Variants in COL4A4 observed in about 807,000 individuals in gnomAD.
The protein encoded by COL4A4 is collagen alpha-4(IV) chain.
A neutral mutation model predicts 192.9 loss-of-function variants in COL4A4; 105 were observed. The ratio of observed to expected loss-of-function variants is 0.54; its 90% CI spans 0.46 to 0.64. COL4A4 has a LOEUF of 0.64. COL4A4 is among the 30% of genes least tolerant of loss of function. The pLI, the probability that COL4A4 is intolerant of heterozygous loss-of-function variation, is 0.00. For missense variants in COL4A4, 1,967 were observed against 2,169.3 expected (o/e 0.91, Z 1.85); for synonymous variants, 762 against 769.9 (o/e 0.99, Z 0.17).
the COL4A4 span, among the ~76,000 whole-genome samples, chr2:226,973,421 GT>G: frequency 6.6e-6 from 1 of 152,208 alleles, no homozygotes; most frequent in Non-Finnish European, 1.5e-5. Flanking sequence ...GGAAGTGAGT[GT>G]TTGCCTGTTC....
the COL4A4 span, chr2:226,995,642 C>A: frequency 1.4e-6 from 1 of 723,336 alleles, no homozygotes; most frequent in East Asian, 2.7e-5. Flanking sequence ...GGTATTGCTC[C>A]AGATCGCTCA....
intron 20 of COL4A4, among the ~76,000 whole-genome samples, chr2:227,093,167 C>A (rs1022984886): frequency 6.6e-6 from 1 of 152,286 alleles, no homozygotes; most frequent in Middle Eastern, 3.4e-3. Context: ...AGCCTCTAAA[C>A]TGCCCTTGGC....
At chr2:227,065,773 G>A (rs1441957123) in intron 25 of COL4A4, among the ~76,000 whole-genome samples, 1 of 152,154 alleles carries the variant, frequency 6.6e-6, no homozygotes, top group Non-Finnish European at 1.5e-5. Flanking sequence ...CAAAGATGGG[G>A]AAAAAACAGA....
chr2:227,014,805 G>A (rs1964525348), intron 44 of COL4A4, among the ~76,000 whole-genome samples: 1 of 151,054 alleles, frequency 6.6e-6, no homozygotes, highest in Non-Finnish European at 1.5e-5. Context: ...CCACCTCCCA[G>A]TTCAAGAGAT....
In COL4A4 at chr2:227,026,154, C is replaced by A. The variant is rs982083281; in HGVS notation, c.4082-344G>T. Among the ~76,000 whole-genome samples, 3 of 152,060 alleles carry A rather than the reference C, an allele frequency of 2.0e-5. No homozygotes were observed. In the South Asian group the frequency reaches 6.2e-4, roughly 32 times the overall value. On this transcript the variant is annotated intron_variant, in intron 42 of 47. Coordinates refer to ENST00000396625, the MANE Select transcript of COL4A4 (RefSeq NM_000092.5). ...TCCATTTAAAAGCTTCTGAAAATTT[C>A]ATATTAATTTGCCAAGTATAGGGTA...
In COL4A4 at chr2:227,043,102, G is replaced by A; in HGVS notation, c.3372C>T (p.Gly1124=). Residue 1124 remains glycine (G), a synonymous_variant, in exon 36 of 48, where the codon GGC becomes GGT. Coordinates refer to ENST00000396625, the MANE Select transcript of COL4A4 (RefSeq NM_000092.5). ...RGSPGRPGPP[G]SSGPPGCPGD... is the part of the protein sequence containing the mutation. Reference sequence around the variant, plus strand: ...CTGGGCACCCTGGTGGTCCAGAGGAGCCAGGTGGCCCTGGCCTTCCAGGTG... The same window carrying A: ...CTGGGCACCCTGGTGGTCCAGAGGAACCAGGTGGCCCTGGCCTTCCAGGTG... The A allele has an allele frequency of 1.2e-6, 2 of 1,613,636 alleles. No homozygotes were observed. The highest frequency in any genetic ancestry group is 1.7e-6 in the Non-Finnish European group (2 of 1,179,906).
At chr2:227,052,021 T>C (rs1045659159) in intron 32 of COL4A4, among the ~76,000 whole-genome samples, 1 of 152,018 alleles carries the variant, frequency 6.6e-6, no homozygotes, top group African/African-American at 2.4e-5. Context: ...GAAACCCCCA[T>C]CTTTACTAAA....
At chr2:226,987,428 C>G in the COL4A4 span, among the ~76,000 whole-genome samples, 3 of 152,326 alleles carry the variant, frequency 2.0e-5, no homozygotes, top group Admixed American at 6.5e-5. Flanking sequence ...ATGGCTGCTT[C>G]TGTGCCCAGC....
chr2:227,041,846 A>AAGAAAGAAAGAGAGAGAGAGAGAGAGAG (rs1559478097), intron 37 of COL4A4, among the ~76,000 whole-genome samples: 1 of 39,316 alleles, frequency 2.5e-5, no homozygotes, highest in Non-Finnish European at 4.4e-5. Context: ...GAAAGAAAGA[A>AAGAAAGAAAGAGAGAGAGAGAGAGAGAG]AGAGAAAGAA....
chr2:226,985,748 C>A, the COL4A4 span, among the ~76,000 whole-genome samples: 1 of 152,200 alleles, frequency 6.6e-6, no homozygotes, highest in Non-Finnish European at 1.5e-5. Context: ...CGTTAGCAGA[C>A]CCCACTTCAC....
At chr2:227,023,370 G>C (rs1437071489) in intron 43 of COL4A4, among the ~76,000 whole-genome samples, 1 of 150,866 alleles carries the variant, frequency 6.6e-6, no homozygotes, top group Admixed American at 6.6e-5. Context: ...TGGAACCCAG[G>C]AGACAGAGGT....
chr2:227,140,341 T>C (rs1359761354), intron 3 of COL4A4, 103 bp from the exon 4 acceptor site: 7 of 925,626 alleles, frequency 7.6e-6, no homozygotes, highest in Non-Finnish European at 1.2e-5. Flanking sequence ...TTTGACTCCA[T>C]GAGAAGAAAA....
In COL4A4 at chr2:227,005,765, A is replaced by T. The variant is rs1020787492; in HGVS notation, c.*1560T>A. 2.0e-5 allele frequency: 3 copies of T among 152,230 alleles called. No homozygotes were observed. The highest frequency in any genetic ancestry group is 4.4e-5 in the Non-Finnish European group (3 of 68,044). 9.4% of individuals were successfully genotyped at this position (152,230 alleles called of 1,614,324 possible). On this transcript the variant is annotated 3_prime_UTR_variant, in exon 48 of 48. Coordinates refer to ENST00000396625, the MANE Select transcript of COL4A4 (RefSeq NM_000092.5). ...CAATTATTTTTAAGTGCACGGAAAC[A>T]AAGCACTAAAATGAGTGTCACGCTC...
intron 20 of COL4A4, among the ~76,000 whole-genome samples, chr2:227,090,686 A>C (rs1455929709): frequency 6.6e-6 from 1 of 152,064 alleles, no homozygotes; most frequent in Non-Finnish European, 1.5e-5. Context: ...TGGGAGGCAG[A>C]GGTTGCAGTG....
chr2:227,111,284 G>T (rs1226181904), intron 9 of COL4A4, among the ~76,000 whole-genome samples: 7 of 152,156 alleles, frequency 4.6e-5, no homozygotes, highest in Non-Finnish European at 7.4e-5. Flanking sequence ...CAGGCAAAAT[G>T]GTAGCGAGAA....
chr2:227,092,738 T>C (rs990402467), intron 20 of COL4A4, among the ~76,000 whole-genome samples: 4 of 152,198 alleles, frequency 2.6e-5, no homozygotes, highest in Non-Finnish European at 5.9e-5. Context: ...TAACCAACTA[T>C]TCAGTGTAAA....
chr2:227,151,601 G>A (rs2063949893), intron 1 of COL4A4, among the ~76,000 whole-genome samples: 1 of 152,174 alleles, frequency 6.6e-6, no homozygotes, highest in South Asian at 2.1e-4. Flanking sequence ...AACTTCTCTT[G>A]AGTAGTAAAC....
At chr2:227,146,186 C>T (rs1274050524) in intron 2 of COL4A4, among the ~76,000 whole-genome samples, 2 of 152,196 alleles carry the variant, frequency 1.3e-5, no homozygotes, top group African/African-American at 4.8e-5. Flanking sequence ...CCCGAGGGGG[C>T]CAGCTCGGGT....
At chr2:227,156,700 C>A (rs2064381579) in intron 1 of COL4A4, among the ~76,000 whole-genome samples, 1 of 151,874 alleles carries the variant, frequency 6.6e-6, no homozygotes, top group Admixed American at 6.6e-5. Flanking sequence ...GCATAGGAAA[C>A]CTATAATGGA....
Sources: allele counts gnomAD v4.1 joint callset (sites outside exome capture counted in the v4.1 genomes callset), GRCh38; gene constraint gnomAD v4.1.1; transcripts MANE v1.5; gene names NCBI Gene and HGNC (gene_info 2026-07-23, HGNC 2026-07-21).